SPPL3: variants seen among roughly 807,000 people sequenced by gnomAD.
SPPL3 encodes signal peptide peptidase-like 3.
A neutral mutation model predicts 42.4 loss-of-function variants in SPPL3; 5 were observed. That is an observed-to-expected ratio of 0.12 (90% CI 0.06 to 0.25). SPPL3 has a LOEUF of 0.25. Among genes scored for constraint, SPPL3 ranks in the 10% least tolerant of loss-of-function variants. The probability of loss-of-function intolerance (pLI) is 1.00; values close to 1 mark genes in which losing one functional copy is unlikely to be tolerated. For synonymous variants in SPPL3, 195 were observed against 181.8 expected, an observed-to-expected ratio of 1.07 and a Z score of -0.58; for missense variants, 235 against 489.0, an observed-to-expected ratio of 0.48 and a Z score of 4.90.
chr12:120,782,546 T>C, intron 6 of SPPL3, 109 bp downstream of exon 6: 1 of 829,474 alleles, frequency 1.2e-6, no homozygotes, highest in Non-Finnish European at 1.9e-6. Context: ...GGTGTGAAAA[T>C]GCTCTAAAAG....
chr12:120,766,096 GCGCGCACA>G (rs1566035703), intron 10 of SPPL3, among the ~76,000 whole-genome samples, 159 bp downstream of exon 10: 4 of 90,724 alleles, frequency 4.4e-5, no homozygotes, highest in African/African-American at 2.1e-4. Context: ...GGTAGCGCGC[GCGCGCACA>G]CACACACACA....
At chr12:120,845,360 G>T (rs1253420618) in intron 1 of SPPL3, 1 of 355,988 alleles carries the variant, frequency 2.8e-6, no homozygotes, top group Non-Finnish European at 5.7e-6. Context: ...TCAATCATAC[G>T]CCCTCTGTCA....
rs954740484 is a variant in SPPL3, at chr12:120,763,205, C to T, written c.*1794G>A. On this transcript the variant is annotated 3_prime_UTR_variant, in exon 11 of 11. Coordinates refer to ENST00000353487, the MANE Select transcript of SPPL3 (RefSeq NM_139015.5). ...TGGGAGCTCTGTTTGGTACCAACAA[C>T]CAAAGTGAAGATTATGTGACAAAGG... 6 of 152,126 alleles carry T rather than the reference C, an allele frequency of 3.9e-5. No individual in the cohort carries two copies. The highest frequency in any genetic ancestry group is 1.4e-4 in the African/African-American group (6 of 41,382). 9.4% of individuals were successfully genotyped at this position (152,126 alleles called of 1,614,324 possible).
intron 1 of SPPL3, among the ~76,000 whole-genome samples, chr12:120,849,281 C>T (rs1047043992): frequency 1.3e-5 from 2 of 152,146 alleles, no homozygotes; most frequent in African/African-American, 4.8e-5. Context: ...GAGATGGGCT[C>T]AACTCTAACA....
intron 1 of SPPL3, among the ~76,000 whole-genome samples, chr12:120,853,905 A>G (rs1592996714): frequency 6.6e-6 from 1 of 151,870 alleles, no homozygotes; most frequent in South Asian, 2.1e-4. Context: ...TGTATTTGGA[A>G]TAGCAAAAAA....
intron 2 of SPPL3, among the ~76,000 whole-genome samples, chr12:120,794,126 C>T (rs565399377): frequency 2.6e-5 from 4 of 152,100 alleles, no homozygotes; most frequent in Non-Finnish European, 4.4e-5. Context: ...GCTTAATTGA[C>T]CCCTTTGTCA....
chr12:120,872,095 G>T (rs1413893233), intron 1 of SPPL3, among the ~76,000 whole-genome samples: 2 of 152,120 alleles, frequency 1.3e-5, no homozygotes, highest in Non-Finnish European at 2.9e-5. Flanking sequence ...TCAACCTGTT[G>T]TTATGCTGTA....
chr12:120,901,143 C>A (rs1151854), intron 1 of SPPL3, among the ~76,000 whole-genome samples: 1 of 152,040 alleles, frequency 6.6e-6, no homozygotes. Flanking sequence ...TTTAAACATA[C>A]CACTTGGCCT....
intron 9 of SPPL3, among the ~76,000 whole-genome samples, chr12:120,767,124 A>G (rs112763869): frequency 1.2e-4 from 19 of 152,270 alleles, no homozygotes; most frequent in African/African-American, 4.6e-4. Flanking sequence ...TTAAGCACAG[A>G]CTAATCCACT....
At chr12:120,853,548 G>A (rs1003484946) in intron 1 of SPPL3, among the ~76,000 whole-genome samples, 9 of 152,134 alleles carry the variant, frequency 5.9e-5, no homozygotes, top group Non-Finnish European at 1.5e-5. Flanking sequence ...AGACTAAGAA[G>A]AAGATATGAT....
intron 1 of SPPL3, among the ~76,000 whole-genome samples, chr12:120,850,136 T>C (rs762264845): frequency 2.0e-5 from 3 of 152,120 alleles, no homozygotes; most frequent in Non-Finnish European, 2.9e-5. Context: ...CAGCTAGATT[T>C]AGAAATATAA....
chr12:120,769,115 C>T lies in SPPL3; in HGVS notation c.503-56G>A, dbSNP rs1380883145. Reference sequence around the variant, plus strand: ...AGTCAGTGTGGACTCCAGGCTCATCCTCTTTCCACAAGCTATGGCCCTTCA... The same window carrying T: ...AGTCAGTGTGGACTCCAGGCTCATCTTCTTTCCACAAGCTATGGCCCTTCA... On this transcript the variant is annotated intron_variant, in intron 6 of 10. Transcript: ENST00000353487. 6.5e-6 allele frequency: 9 copies of T among 1,378,100 alleles called. No individual in the cohort carries two copies. In the East Asian group the frequency reaches 2.2e-4, roughly 33 times the overall value. 85.4% of individuals were successfully genotyped at this position (1,378,100 alleles called of 1,614,324 possible). A position where few individuals can be genotyped will look rare whatever the true frequency, so the allele number is the denominator to read the frequency against.
At chr12:120,833,004 A>G (rs1871478996) in intron 1 of SPPL3, among the ~76,000 whole-genome samples, 3 of 152,344 alleles carry the variant, frequency 2.0e-5, no homozygotes, top group Admixed American at 1.3e-4. Context: ...TGTGCATAAA[A>G]TAACTTTAAA....
chr12:120,845,614 CA>C (rs1871999491), intron 1 of SPPL3: 10 of 452,436 alleles, frequency 2.2e-5, no homozygotes, highest in Admixed American at 2.9e-5. Flanking sequence ...TCTTTTCTGT[CA>C]AAAAGGCCCT....
At chr12:120,838,386 C>T (rs571754763) in intron 1 of SPPL3, among the ~76,000 whole-genome samples, 2 of 152,288 alleles carry the variant, frequency 1.3e-5, no homozygotes, top group African/African-American at 2.4e-5. Context: ...TACTCACTCC[C>T]GGCTCCAGCT....
intron 1 of SPPL3, among the ~76,000 whole-genome samples, chr12:120,826,366 C>A (rs2089430211): frequency 6.6e-6 from 1 of 151,660 alleles, no homozygotes; most frequent in Non-Finnish European, 1.5e-5. Flanking sequence ...CAAACCTAGA[C>A]CTACCTGCCT....
At chr12:120,878,926 C>G (rs1026783576) in intron 1 of SPPL3, among the ~76,000 whole-genome samples, 3 of 151,646 alleles carry the variant, frequency 2.0e-5, no homozygotes, top group Admixed American at 6.6e-5. Flanking sequence ...CTAGCTCGAC[C>G]AACATGGAGA....
chr12:120,784,950 A>C (rs960598188), intron 3 of SPPL3, among the ~76,000 whole-genome samples: 1 of 151,998 alleles, frequency 6.6e-6, no homozygotes, highest in Non-Finnish European at 1.5e-5. Flanking sequence ...GGTTTGGTAA[A>C]AGAGGTGGTT....
At chr12:120,863,808 T>TGC (rs1872682452) in intron 1 of SPPL3, among the ~76,000 whole-genome samples, 1 of 81,546 alleles carries the variant, frequency 1.2e-5, no homozygotes, top group East Asian at 2.8e-4. Flanking sequence ...CATTTAGCTT[T>TGC]TTTTTTTTTT....
Sources: allele counts gnomAD v4.1 joint callset (sites outside exome capture counted in the v4.1 genomes callset), GRCh38; gene constraint gnomAD v4.1.1; transcripts MANE v1.5; gene names NCBI Gene and HGNC (gene_info 2026-07-23, HGNC 2026-07-21).